Variants in RAB23 observed in about 807,000 individuals in gnomAD.
RAB23 encodes RAB23, member RAS oncogene family, also known as ras-related protein Rab-23.
Under a neutral mutation model 30.0 loss-of-function variants are expected in RAB23, and 15 were observed. The ratio of observed to expected loss-of-function variants is 0.50; its 90% confidence interval spans 0.33 to 0.77. RAB23 has a LOEUF of 0.77. RAB23 is among the 30% of genes least tolerant of loss of function. The probability of loss-of-function intolerance (pLI) is 0.02; values close to 1 mark genes in which losing one functional copy is unlikely to be tolerated. For synonymous variants in RAB23, 93 were observed against 94.0 expected (o/e 0.99, Z 0.06); for missense variants, 243 against 275.4 (o/e 0.88, Z 0.83).
intron 6 of RAB23, among the ~76,000 whole-genome samples, chr6:57,191,411 ATTTATC>A (rs1341288791): frequency 6.6e-6 from 1 of 152,188 alleles, no homozygotes; most frequent in African/African-American, 2.4e-5. Flanking sequence ...TGACTTAACA[ATTTATC>A]TTTGACGTTT....
intron 3 of RAB23, among the ~76,000 whole-genome samples, chr6:57,200,077 CA>C (rs1765187959): frequency 6.6e-6 from 1 of 151,936 alleles, no homozygotes; most frequent in African/African-American, 2.4e-5. Context: ...ACCAATAAAG[CA>C]TGTAACAAAT....
At chr6:57,213,561 T>C (rs1259082795) in intron 1 of RAB23, among the ~76,000 whole-genome samples, 1 of 152,206 alleles carries the variant, frequency 6.6e-6, no homozygotes, top group Non-Finnish European at 1.5e-5. Flanking sequence ...TATCACATTT[T>C]ATCCTTTTAA....
chr6:57,218,587 C>A (rs1017453489), intron 1 of RAB23, among the ~76,000 whole-genome samples: 1 of 152,150 alleles, frequency 6.6e-6, no homozygotes, highest in Non-Finnish European at 1.5e-5. Flanking sequence ...CACAGTGGCA[C>A]ACATCTGTAA....
intron 3 of RAB23, among the ~76,000 whole-genome samples, chr6:57,206,984 C>G (rs1470202683): frequency 6.6e-6 from 1 of 152,234 alleles, no homozygotes; most frequent in Non-Finnish European, 1.5e-5. Context: ...GCTTTTGTTA[C>G]TGTGTTCTCT....
At chr6:57,208,409 G>A (rs1765524269) in intron 2 of RAB23, among the ~76,000 whole-genome samples, 1 of 152,038 alleles carries the variant, frequency 6.6e-6, no homozygotes, top group Non-Finnish European at 1.5e-5. Flanking sequence ...CAATCTGTGA[G>A]GCCAAAGTGG....
At position 57,221,805 on chromosome 6, in the gene RAB23, A is replaced by T. The variant is rs759531846; in HGVS notation, c.-145T>A. 21 of 152,380 alleles carry T rather than the reference A, an allele frequency of 1.4e-4. No individual in the cohort carries two copies. The highest frequency in any genetic ancestry group is 3.4e-4 in the African/African-American group (14 of 41,544). The allele number at this position is 152,380 out of a possible 1,614,324, so 9.4% of individuals were successfully genotyped here. A position where few individuals can be genotyped will look rare whatever the true frequency, so the allele number is the denominator to read the frequency against. ...TGGAACTTGGGATCGGTGCTCAGGG[A>T]GGGGAGAGCCGGCGCTCGGCGGTCC... is the stretch of plus-strand genomic sequence containing the variant. On this transcript the variant is annotated 5_prime_UTR_variant, in exon 1 of 7. Coordinates refer to ENST00000468148, the MANE Select transcript of RAB23 (RefSeq NM_016277.5).
intron 3 of RAB23, among the ~76,000 whole-genome samples, chr6:57,201,086 C>T (rs806385): frequency 0.91 from 134,495 of 147,852 alleles, 60,912 homozygotes; most frequent in East Asian, 0.97. Context: ...TTCTCTCTCT[C>T]TTTTTTTTTT....
At chr6:57,195,420 T>C (rs891761433) in intron 4 of RAB23, among the ~76,000 whole-genome samples, 84 of 152,206 alleles carry the variant, frequency 5.5e-4, no homozygotes, top group African/African-American at 2.0e-3. Context: ...TTAATGTCAT[T>C]AGAGACTGTT....
intron 1 of RAB23, among the ~76,000 whole-genome samples, chr6:57,220,751 C>T (rs1469414291): frequency 6.6e-6 from 1 of 151,556 alleles, no homozygotes; most frequent in East Asian, 1.9e-4. Flanking sequence ...TTTTCTGTGG[C>T]GGGGGAGCGA....
intron 1 of RAB23, among the ~76,000 whole-genome samples, chr6:57,216,499 CA>C (rs1327273926): frequency 6.6e-6 from 1 of 152,158 alleles, no homozygotes; most frequent in Non-Finnish European, 1.5e-5. Context: ...GGCCATAAAA[CA>C]AACATCAACA....
rs142606661 is a variant in RAB23 at position 57,214,447 on chromosome 6, C to T, written c.-65-4002G>A. Among the ~76,000 whole-genome samples, 9 of 152,218 alleles carry T rather than the reference C, an allele frequency of 5.9e-5. No individual in the cohort carries two copies. In the East Asian group the frequency reaches 1.5e-3, roughly 26 times the overall value. ...ATCCCACCTCAGCTGGGACTACAGGCGCACACCACCACGCCTGGCTAGTTT... is the reference window on the plus strand; with the variant it reads ...ATCCCACCTCAGCTGGGACTACAGGTGCACACCACCACGCCTGGCTAGTTT... On this transcript the variant is annotated intron_variant, in intron 1 of 6. Coordinates refer to ENST00000468148, the MANE Select transcript of RAB23 (RefSeq NM_016277.5).
chr6:57,197,728 A>T (rs1248520529), intron 3 of RAB23, among the ~76,000 whole-genome samples: 1 of 152,036 alleles, frequency 6.6e-6, no homozygotes, highest in East Asian at 1.9e-4. Flanking sequence ...CCTACCCTAA[A>T]AACAGGTTTT....
chr6:57,197,899 T>G (rs985831052), intron 3 of RAB23, among the ~76,000 whole-genome samples: 1 of 152,174 alleles, frequency 6.6e-6, no homozygotes, highest in Non-Finnish European at 1.5e-5. Context: ...CCTGCCATCA[T>G]GCACAGCTAA....
At chr6:57,208,352 A>G (rs750245572) in intron 2 of RAB23, among the ~76,000 whole-genome samples, 13 of 152,094 alleles carry the variant, frequency 8.5e-5, no homozygotes, top group Non-Finnish European at 1.8e-4. Flanking sequence ...AAGAATGCAA[A>G]AAAGCAATTT....
At chr6:57,198,443 G>A (rs535870487) in intron 3 of RAB23, among the ~76,000 whole-genome samples, 81 of 152,238 alleles carry the variant, frequency 5.3e-4, no homozygotes, top group South Asian at 4.6e-3. Context: ...GAACCCGGGA[G>A]GTGGAGCTTG....
Position 57,188,427 on chromosome 6 carries a change from C to CTTT in RAB23, c.*2031_*2033dup, listed in dbSNP as rs1296255531. ...GAACTGTAACTATCCTCAGAGATTA[C>CTTT]TTTTTTTAAATATAGAAAGGTAACA... On this transcript the variant is annotated 3_prime_UTR_variant, in exon 7 of 7. Coordinates refer to ENST00000468148, the MANE Select transcript of RAB23 (RefSeq NM_016277.5). The CTTT allele has an allele frequency of 6.6e-6, 1 of 152,230 alleles. No individual in the cohort carries two copies. Among genetic ancestry groups the CTTT allele is most frequent in the Non-Finnish European group, 1.5e-5 (1 of 68,006 alleles). The allele number at this position is 152,230 out of a possible 1,614,324, so 9.4% of individuals were successfully genotyped here. A position where few individuals can be genotyped will look rare whatever the true frequency, so the allele number is the denominator to read the frequency against.
At chr6:57,195,229 C>T (rs1764979200) in intron 4 of RAB23, among the ~76,000 whole-genome samples, 1 of 152,118 alleles carries the variant, frequency 6.6e-6, no homozygotes, top group Admixed American at 6.5e-5. Flanking sequence ...TTTATCTCTT[C>T]CTGAGAACAC....
intron 3 of RAB23, among the ~76,000 whole-genome samples, chr6:57,198,384 G>A (rs978317204): frequency 1.3e-5 from 2 of 151,990 alleles, no homozygotes; most frequent in Non-Finnish European, 2.9e-5. Flanking sequence ...TGTGGTGGCG[G>A]GTGCCTGTAG....
chr6:57,200,821 C>T (rs545699462), intron 3 of RAB23, among the ~76,000 whole-genome samples: 1 of 152,068 alleles, frequency 6.6e-6, no homozygotes, highest in Non-Finnish European at 1.5e-5. Flanking sequence ...AAGCAGAGAG[C>T]TATATTGGGA....
Sources: gnomAD v4.1 joint callset for allele counts (sites outside exome capture counted in the v4.1 genomes callset) on GRCh38, gnomAD v4.1.1 for gene constraint, MANE v1.5 for transcripts, NCBI Gene and HGNC (gene_info 2026-07-23, HGNC 2026-07-21) for gene names.